The following ELF1 variants were observed in gnomAD, a reference collection of about 807,000 sequenced individuals.
ELF1 encodes ETS-related transcription factor Elf-1.
ELF1 carries 24 observed loss-of-function variants against 59.9 expected under a neutral mutation model. The ratio of observed to expected loss-of-function variants is 0.40; its 90% CI spans 0.29 to 0.56. The LOEUF (loss-of-function observed/expected upper bound fraction) is 0.56, where lower values mean the gene tolerates loss of function less well. Ranked by LOEUF, ELF1 falls within the 20% of genes least tolerant of loss-of-function variation. The pLI, the probability that ELF1 is intolerant of heterozygous loss-of-function variation, is 0.44. For missense variants in ELF1, 627 were observed against 742.2 expected (o/e 0.84, Z 1.80); for synonymous variants, 248 against 266.2 (o/e 0.93, Z 0.67).
intron 3 of ELF1, among the ~76,000 whole-genome samples, chr13:40,958,403 TACTC>T (rs1166409558): frequency 6.6e-6 from 1 of 152,048 alleles, no homozygotes; most frequent in Non-Finnish European, 1.5e-5. Flanking sequence ...TATAAGAAAG[TACTC>T]AGTGAGCTGG....
chr13:41,024,009 T>C (rs538034704), upstream of ELF1, among the ~76,000 whole-genome samples: 1 of 152,334 alleles, frequency 6.6e-6, no homozygotes, highest in African/African-American at 2.4e-5. Context: ...GTATTACTGT[T>C]TCCTCTGATA....
In ELF1 at chr13:41,005,466, A is replaced by C. The variant is rs373396497; in HGVS notation, c.-229+13762T>G. 3.1e-4 allele frequency among the ~76,000 whole-genome samples: 47 copies of C among 151,326 alleles called. No homozygotes were observed. The East Asian group carries it at 7.9e-3, about 25-fold the overall frequency. On this transcript the variant is annotated intron_variant, in intron 1 of 8. Transcript: ENST00000239882. ...ATACCTATCCAAAAAAAAAAAAAAA[A>C]AAAACCTACCACAAAAAAAAAACAA...
At chr13:40,990,290 G>C (rs1873775389) in intron 1 of ELF1, among the ~76,000 whole-genome samples, 1 of 152,112 alleles carries the variant, frequency 6.6e-6, no homozygotes. Flanking sequence ...CAATGAGTAA[G>C]ACTAAGATAT....
intron 5 of ELF1, among the ~76,000 whole-genome samples, chr13:40,947,106 G>A (rs184451577): frequency 6.1e-5 from 9 of 147,816 alleles, no homozygotes; most frequent in Admixed American, 4.7e-4. Flanking sequence ...GCCTGGGTGA[G>A]AGAACGAGAC....
intron 3 of ELF1, among the ~76,000 whole-genome samples, chr13:40,954,709 C>T (rs1393835209): frequency 4.0e-4 from 61 of 152,018 alleles, no homozygotes; most frequent in Non-Finnish European, 7.1e-4. Context: ...CTCGGCCTCC[C>T]GAGGTGCCGG....
chr13:40,945,243 C>T (rs1000885487), intron 5 of ELF1, among the ~76,000 whole-genome samples: 9 of 152,176 alleles, frequency 5.9e-5, no homozygotes, highest in Non-Finnish European at 1.2e-4. Flanking sequence ...ACAACAGATG[C>T]TGCCAGTAAA....
chr13:41,043,148 GTTGT>G (rs763736658), intron 1 of ELF1, among the ~76,000 whole-genome samples: 62 of 152,224 alleles, frequency 4.1e-4, no homozygotes, highest in Admixed American at 1.7e-3. Flanking sequence ...TTTTGATGGG[GTTGT>G]TTGTTTTTTT....
chr13:41,040,388 T>A (rs1339429480), intron 1 of ELF1, among the ~76,000 whole-genome samples: 1 of 152,216 alleles, frequency 6.6e-6, no homozygotes, highest in Non-Finnish European at 1.5e-5. Context: ...CAAAACAGTA[T>A]GTGATCACAT....
intron 1 of ELF1, among the ~76,000 whole-genome samples, chr13:40,996,178 G>A (rs192469751): frequency 5.5e-4 from 84 of 151,724 alleles, no homozygotes; most frequent in African/African-American, 1.7e-3. Context: ...CCAAAAGCAG[G>A]CAAGGATGTG....
chr13:40,942,856 C>A, intron 7 of ELF1, 96 bp downstream of exon 7: 1 of 1,244,380 alleles, frequency 8.0e-7, no homozygotes, highest in East Asian at 2.6e-5. Context: ...TTTGCATTAC[C>A]ACTATTGGTG....
intron 8 of ELF1, among the ~76,000 whole-genome samples, chr13:40,938,808 T>A (rs1044864816): frequency 6.6e-6 from 1 of 151,084 alleles, no homozygotes; most frequent in African/African-American, 2.4e-5. Flanking sequence ...TAATAAGTCA[T>A]CAAAAATCAA....
chr13:40,999,498 T>C (rs771724746), intron 1 of ELF1, among the ~76,000 whole-genome samples: 5 of 152,212 alleles, frequency 3.3e-5, no homozygotes, highest in Middle Eastern at 3.4e-3. Context: ...CAATGGGAAA[T>C]AGAAAGTCAG....
At position 41,048,518 on chromosome 13, in the gene ELF1, G is replaced by A. The variant is rs184357804; in HGVS notation, c.-229+12320C>T. ...ACTGCAGCCTTGACCTCCAGGGCTC[G>A]AGTGATCTCACCTCAGCCTCCCGAG... On this transcript the variant is annotated intron_variant, in intron 1 of 1. Coordinates refer to the ELF1 transcript ENST00000405737. Among the ~76,000 whole-genome samples the A allele has an allele frequency of 1.4e-3, 217 of 151,986 alleles. 1 individual carries two copies. The highest frequency in any genetic ancestry group is 2.4e-3 in the Non-Finnish European group (161 of 67,956).
chr13:40,994,304 T>A (rs1874023901), intron 1 of ELF1, among the ~76,000 whole-genome samples: 1 of 152,164 alleles, frequency 6.6e-6, no homozygotes, highest in African/African-American at 2.4e-5. Context: ...CAAGTTTAAC[T>A]CTTTTTTTGA....
At chr13:41,033,142 G>T (rs1276149512) in intron 1 of ELF1, among the ~76,000 whole-genome samples, 10 of 152,132 alleles carry the variant, frequency 6.6e-5, no homozygotes, top group Admixed American at 6.6e-4. Flanking sequence ...TACACTTCTG[G>T]TCAAAACAGA....
chr13:40,958,894 TG>T lies in ELF1; in HGVS notation c.194del (p.Ser65TyrfsTer10). ...EEPNDMITES[S>X]LDVAEEEIID... ...TGATTTCTTCTTCAGCAACATCCAG[TG>T]AACTCTCAGTAATCATGTCATTGGG... On this transcript the variant is annotated frameshift_variant, in exon 3 of 9. Transcript: ENST00000239882. LOFTEE classifies it high-confidence loss of function. 1 of 1,614,046 alleles carries T rather than the reference TG, an allele frequency of 6.2e-7. No individual in the cohort carries two copies. Among genetic ancestry groups the T allele is most frequent in the Non-Finnish European group, 8.5e-7 (1 of 1,180,006 alleles).
At chr13:41,012,860 C>G (rs1875157393) in intron 1 of ELF1, among the ~76,000 whole-genome samples, 2 of 152,034 alleles carry the variant, frequency 1.3e-5, no homozygotes, top group African/African-American at 4.8e-5. Flanking sequence ...GCCCACTTGT[C>G]AACTATTCTA....
intron 8 of ELF1, among the ~76,000 whole-genome samples, chr13:40,939,349 T>G (rs1869987803): frequency 6.6e-6 from 1 of 152,150 alleles, no homozygotes. Flanking sequence ...ACCTACTCTA[T>G]AATATCTACA....
intron 2 of ELF1, among the ~76,000 whole-genome samples, chr13:40,959,844 T>A (rs1049740971): frequency 1.3e-5 from 2 of 152,190 alleles, no homozygotes; most frequent in Non-Finnish European, 2.9e-5. Context: ...AGCTACCTCA[T>A]TTTATAGATG....
Sources: allele counts gnomAD v4.1 joint callset (sites outside exome capture counted in the v4.1 genomes callset), GRCh38; gene constraint gnomAD v4.1.1; transcripts MANE v1.5; gene names NCBI Gene and HGNC (gene_info 2026-07-23, HGNC 2026-07-21).